Variants in GLYATL1B observed in about 807,000 individuals in gnomAD.
GLYATL1B encodes the protein glycine-N-acyltransferase like 1B, also known as putative glycine N-acyltransferase-like protein 1B.
A neutral mutation model predicts 5.5 loss-of-function variants in GLYATL1B; 6 were observed. The observed-to-expected ratio is 1.09, with a 90% CI of 0.60 to 2.15. The LOEUF is 2.15. GLYATL1B is among the 30% of genes most tolerant of loss of function. The pLI is 0.00. For synonymous variants in GLYATL1B, 67 were observed against 34.9 expected, an observed-to-expected ratio of 1.92 and a Z score of -3.24; for missense variants, 135 against 94.1, an observed-to-expected ratio of 1.43 and a Z score of -1.80.
chr11:59,093,003 G>A (rs967331153), intron 2 of GLYATL1B, among the ~76,000 whole-genome samples: 4 of 152,136 alleles, frequency 2.6e-5, no homozygotes, highest in Non-Finnish European at 4.4e-5. Flanking sequence ...ATCTTGTGCC[G>A]AGCTTAAGAA....
At chr11:59,091,806 C>A (rs1414504892) in intron 2 of GLYATL1B, among the ~76,000 whole-genome samples, 3 of 152,152 alleles carry the variant, frequency 2.0e-5, no homozygotes, top group Non-Finnish European at 4.4e-5. Flanking sequence ...GACATGGAAT[C>A]ATCACAGATC....
At chr11:59,092,544 ATTAG>A (rs1859337273) in intron 2 of GLYATL1B, among the ~76,000 whole-genome samples, 1 of 152,206 alleles carries the variant, frequency 6.6e-6, no homozygotes, top group Non-Finnish European at 1.5e-5. Context: ...TTTCTTTAAA[ATTAG>A]TTACACTATT....
At chr11:59,092,447 A>T (rs1859335241) in intron 2 of GLYATL1B, among the ~76,000 whole-genome samples, 1 of 152,174 alleles carries the variant, frequency 6.6e-6, no homozygotes, top group Non-Finnish European at 1.5e-5. Flanking sequence ...CTTTTAAAAC[A>T]TCTACTCTTT....
Position 59,091,347 on chromosome 11 carries a change from T to C in GLYATL1B, c.187-2182T>C, listed in dbSNP as rs556575923. The stretch of plus-strand genomic sequence containing the variant: ...TTTTGGCTACTTTTTAGTTTGTAAT[T>C]TCAACTTTCCTTTTAGATAAAGGGG... On this transcript the variant is annotated intron_variant, in intron 2 of 4. Transcript: ENST00000527482. Among the ~76,000 whole-genome samples the C allele has an allele frequency of 2.0e-5, 3 of 152,318 alleles. No individual in the cohort carries two copies. In the South Asian group the frequency reaches 6.2e-4, roughly 32 times the overall value.
At chr11:59,088,473 G>A (rs897150568) in intron 2 of GLYATL1B, among the ~76,000 whole-genome samples, 4 of 152,074 alleles carry the variant, frequency 2.6e-5, no homozygotes, top group Non-Finnish European at 5.9e-5. Flanking sequence ...ACCTTCCCCA[G>A]GGATGTTCTT....
rs546367386 is a variant in GLYATL1B at position 59,093,518 on chromosome 11, A to G, written c.187-11A>G. Reference sequence around the variant, plus strand: ...CAAGGGAATGATCTGACCTTTCACCATCCTACACAGGAGATGACTGATGAC... The same window carrying G: ...CAAGGGAATGATCTGACCTTTCACCGTCCTACACAGGAGATGACTGATGAC... On this transcript the variant is annotated splice_polypyrimidine_tract_variant and intron_variant, in intron 2 of 4. Transcript: ENST00000527482. The G allele has an allele frequency of 2.1e-6, 1 of 477,692 alleles. No individual in the cohort carries two copies. The highest frequency in any genetic ancestry group is 3.9e-6 in the Non-Finnish European group (1 of 259,042). 29.6% of individuals were successfully genotyped at this position (477,692 alleles called of 1,614,324 possible).
At chr11:59,091,509 A>G (rs1313388022) in intron 2 of GLYATL1B, among the ~76,000 whole-genome samples, 1 of 152,180 alleles carries the variant, frequency 6.6e-6, no homozygotes, top group Non-Finnish European at 1.5e-5. Flanking sequence ...TCCACCCTCT[A>G]GAGTCCATAG....
chr11:59,087,095 G>T lies in GLYATL1B; in HGVS notation c.110G>T (p.Gly37Val). ...VYGSLFHINH[G>V]NPFNMEVLVD... ...GGCTCTCTGTTTCACATCAATCACG[G>T]GAACCCCTTCAACATGGAAGTGTTG... Residue 37 changes from glycine to valine, a missense_variant, in exon 2 of 5, where the codon GGG (glycine) becomes GTG (valine). Gly to Val is a moderately radical substitution (Grantham distance 109). Transcript: ENST00000527482. 1.5e-6 allele frequency: 1 copy of T among 683,644 alleles called. No homozygotes were observed. The highest frequency in any genetic ancestry group is 2.7e-6 in the Non-Finnish European group (1 of 372,174). 42.3% of individuals were successfully genotyped at this position (683,644 alleles called of 1,614,324 possible). A position where few individuals can be genotyped will look rare whatever the true frequency, so the allele number is the denominator to read the frequency against.
chr11:59,092,293 T>G (rs1468044974), intron 2 of GLYATL1B, among the ~76,000 whole-genome samples: 1 of 152,154 alleles, frequency 6.6e-6, no homozygotes, highest in African/African-American at 2.4e-5. Flanking sequence ...TCATTTGCAC[T>G]GTGTCTTGTT....
At chr11:59,087,879 G>T (rs1219357496) in intron 2 of GLYATL1B, among the ~76,000 whole-genome samples, 1 of 152,158 alleles carries the variant, frequency 6.6e-6, no homozygotes, top group Non-Finnish European at 1.5e-5. Context: ...TCAGGAACCA[G>T]GGAAGGGACA....
At chr11:59,093,741 T>G (rs556817006) in intron 3 of GLYATL1B, 86 bp downstream of exon 3, 118 of 440,478 alleles carry the variant, frequency 2.7e-4, no homozygotes, top group African/African-American at 2.2e-3. Context: ...TGAGAGCTCA[T>G]TAGAAATGTA....
intron 2 of GLYATL1B, among the ~76,000 whole-genome samples, chr11:59,091,261 T>C (rs1033462706): frequency 1.2e-4 from 18 of 152,108 alleles, no homozygotes; most frequent in African/African-American, 4.1e-4. Context: ...TACCAAAGTC[T>C]ACTATTAAAA....
intron 2 of GLYATL1B, among the ~76,000 whole-genome samples, chr11:59,088,751 T>A (rs1191641759): frequency 1.3e-5 from 2 of 152,184 alleles, no homozygotes; most frequent in Non-Finnish European, 2.9e-5. Flanking sequence ...AAAAGTTCCA[T>A]GCCACACATA....
At chr11:59,089,303 G>C (rs1250962469) in intron 2 of GLYATL1B, among the ~76,000 whole-genome samples, 2 of 152,120 alleles carry the variant, frequency 1.3e-5, no homozygotes, top group African/African-American at 4.8e-5. Flanking sequence ...TACAAACAAT[G>C]CTTCAATAAA....
chr11:59,094,667 G>C lies in GLYATL1B; in HGVS notation c.790G>C (p.Gly264Arg), dbSNP rs186603390. Residue 264 changes from glycine (G) to arginine (R), a missense_variant, in exon 5 of 5, where the codon GGC becomes CGC. Gly to Arg is a moderately radical substitution (Grantham distance 125). Coordinates refer to ENST00000527482, the MANE Select transcript of GLYATL1B (RefSeq NM_001355566.1). Reference sequence around the variant, plus strand: ...GTGTCAGAAGAATATTCCATTTTACGGCTCTGTGCTGGAAGAAAATCAAGG... The same window carrying C: ...GTGTCAGAAGAATATTCCATTTTACCGCTCTGTGCTGGAAGAAAATCAAGG... ...YLCQKNIPFY[G>R]SVLEENQGVI... The C allele has an allele frequency of 4.4e-3, 1,895 of 432,962 alleles. 8 individuals are homozygous for C. The highest frequency in any genetic ancestry group is 5.8e-3 in the Non-Finnish European group (1,391 of 239,496). 26.8% of individuals were successfully genotyped at this position (432,962 alleles called of 1,614,324 possible). A position where few individuals can be genotyped will look rare whatever the true frequency, so the allele number is the denominator to read the frequency against.
intron 1 of GLYATL1B, among the ~76,000 whole-genome samples, chr11:59,086,682 C>G (rs2135380786): frequency 6.6e-6 from 1 of 152,280 alleles, no homozygotes; most frequent in Admixed American, 6.5e-5. Context: ...ATTTTTTAGT[C>G]AGATATCATT....
At chr11:59,086,423 G>C (rs1859196910) in intron 1 of GLYATL1B, 39 bp downstream of exon 1, 1 of 398,364 alleles carries the variant, frequency 2.5e-6, no homozygotes, top group Non-Finnish European at 4.4e-6. Context: ...GGGAGTAGGG[G>C]TGTTGAGGAT....
chr11:59,089,000 T>G lies in GLYATL1B; in HGVS notation c.186+1829T>G, dbSNP rs574687330. Among the ~76,000 whole-genome samples the G allele has an allele frequency of 1.3e-3, 191 of 152,310 alleles. 1 individual carries two copies. The highest frequency in any genetic ancestry group is 2.1e-3 in the Non-Finnish European group (145 of 68,010). On this transcript the variant is annotated intron_variant, in intron 2 of 4. Transcript: ENST00000527482. ...ATTATAGAAGTGGAAAAATTCAACA[T>G]GATTTTAAGAAGTTAATAACCTCTC... is the stretch of plus-strand genomic sequence containing the variant.
At position 59,094,781 on chromosome 11, in the gene GLYATL1B, T is replaced by C. The variant is rs771204910; in HGVS notation, c.904T>C (p.Leu302=). The C allele has an allele frequency of 6.5e-6, 3 of 464,714 alleles. No homozygotes were observed. The highest frequency in any genetic ancestry group is 1.2e-5 in the Non-Finnish European group (3 of 254,672). The allele number at this position is 464,714 out of a possible 1,614,324, so 28.8% of individuals were successfully genotyped here. The stretch of plus-strand genomic sequence containing the variant: ...CTGCTACCCACAGAATCTTGTTCCA[T>C]TGTAGACAATGAAGCTGCTTAGCAA... The part of the protein sequence containing the change: ...WNCYPQNLVP[L] The change falls in exon 5 of 5, where the codon TTG becomes CTG. Residue 302 remains leucine, a synonymous_variant. Coordinates refer to ENST00000527482, the MANE Select transcript of GLYATL1B (RefSeq NM_001355566.1).
Sources: allele counts gnomAD v4.1 joint callset (sites outside exome capture counted in the v4.1 genomes callset), GRCh38; gene constraint gnomAD v4.1.1; transcripts MANE v1.5; gene names NCBI Gene and HGNC (gene_info 2026-07-23, HGNC 2026-07-21).